Variants in PRKG1 observed in about 807,000 individuals in gnomAD.
The protein encoded by PRKG1 is cGMP-dependent protein kinase 1.
Under a neutral mutation model 88.1 loss-of-function variants are expected in PRKG1, and 35 were observed. The ratio of observed to expected loss-of-function variants is 0.40; its 90% CI spans 0.30 to 0.53. The LOEUF (loss-of-function observed/expected upper bound fraction) is 0.53, where lower values mean the gene tolerates loss of function less well. PRKG1 is among the 20% of genes least tolerant of loss of function. The probability of loss-of-function intolerance (pLI) is 0.59; values close to 1 mark genes in which losing one functional copy is unlikely to be tolerated. For missense variants in PRKG1, 540 were observed against 839.8 expected (o/e 0.64, Z 4.41); for synonymous variants, 303 against 292.5 (o/e 1.04, Z -0.37).
At chr10:51,789,066 C>A (rs925964484) in intron 3 of PRKG1, among the ~76,000 whole-genome samples, 3 of 152,062 alleles carry the variant, frequency 2.0e-5, no homozygotes, top group African/African-American at 4.8e-5. Flanking sequence ...ATTAGCATGA[C>A]TTTTTAAAGA....
At chr10:51,402,281 A>T (rs1021300136) in intron 2 of PRKG1, among the ~76,000 whole-genome samples, 1 of 152,212 alleles carries the variant, frequency 6.6e-6, no homozygotes, top group African/African-American at 2.4e-5. Context: ...CCTTCTTGAT[A>T]TTGGAAGGGA....
At chr10:51,042,817 C>A (rs1376846322) in intron 1 of PRKG1, among the ~76,000 whole-genome samples, 1 of 152,030 alleles carries the variant, frequency 6.6e-6, no homozygotes, top group Admixed American at 6.6e-5. Flanking sequence ...TTGGAGGTGG[C>A]GTCATGAGGA....
Position 52,279,948 on chromosome 10 carries a change from G to A in PRKG1, c.1404-841G>A, listed in dbSNP as rs1041609755. On this transcript the variant is annotated intron_variant, in intron 12 of 17. Coordinates refer to ENST00000373980, the MANE Select transcript of PRKG1 (RefSeq NM_006258.4). ...AAAATAGTTAAAGTTAAGACGTTCT[G>A]CCCTAGAACAAAGGGTTTAACCTTA... Among the ~76,000 whole-genome samples, 23 of 151,820 alleles carry A rather than the reference G, an allele frequency of 1.5e-4. 1 individual carries two copies. The highest frequency in any genetic ancestry group is 5.6e-4 in the African/African-American group (23 of 41,434).
At chr10:51,634,684 T>G (rs4935275) in intron 3 of PRKG1, among the ~76,000 whole-genome samples, 121,501 of 151,952 alleles carry the variant, frequency 0.8, 49,826 homozygotes, top group South Asian at 0.91. Context: ...GTGATTTCCA[T>G]ATGAAGCTAG....
intron 4 of PRKG1, among the ~76,000 whole-genome samples, chr10:51,864,516 T>C (rs1267478293): frequency 6.6e-6 from 1 of 152,244 alleles, no homozygotes; most frequent in Non-Finnish European, 1.5e-5. Flanking sequence ...GTATTTTGTC[T>C]CAAATCCCTT....
intron 3 of PRKG1, among the ~76,000 whole-genome samples, chr10:51,691,279 C>T (rs1442298527): frequency 6.7e-6 from 1 of 149,798 alleles, no homozygotes; most frequent in Non-Finnish European, 1.5e-5. Flanking sequence ...ATGTGCCGAA[C>T]CAGTTGCTAA....
chr10:52,265,542 A>C (rs1227561488), intron 10 of PRKG1, among the ~76,000 whole-genome samples: 3 of 152,116 alleles, frequency 2.0e-5, no homozygotes, highest in African/African-American at 7.2e-5. Context: ...AGTGGTACTG[A>C]GCCAGTTTTA....
chr10:51,838,092 A>G lies in PRKG1; in HGVS notation c.698+33402A>G, dbSNP rs190702452. ...TCCATATCAATACAATTCATTAAAA[A>G]ATAGTAATAGTTTAAAACACTTATC... On this transcript the variant is annotated intron_variant, in intron 4 of 17. Transcript: ENST00000373980. 1.1e-3 allele frequency among the ~76,000 whole-genome samples: 163 copies of G among 152,288 alleles called. 5 individuals are homozygous for G. The East Asian group carries it at 0.025, about 23-fold the overall frequency.
intron 2 of PRKG1, among the ~76,000 whole-genome samples, chr10:51,398,583 G>A (rs293231): frequency 0.018 from 2,816 of 152,282 alleles, 82 homozygotes; most frequent in African/African-American, 0.065. Flanking sequence ...TAACTGGATT[G>A]TTTTTTGTCC....
chr10:51,538,427 A>G (rs796805978), intron 3 of PRKG1, among the ~76,000 whole-genome samples: 16 of 148,614 alleles, frequency 1.1e-4, no homozygotes, highest in South Asian at 6.2e-4. Context: ...TATATGATAT[A>G]TGATATATAA....
chr10:51,355,657 C>A (rs1356458874), intron 2 of PRKG1, among the ~76,000 whole-genome samples: 1 of 151,798 alleles, frequency 6.6e-6, no homozygotes, highest in East Asian at 1.9e-4. Context: ...AGGATGCCCA[C>A]CCAGATTTTT....
chr10:51,806,059 G>A (rs1839298693), intron 4 of PRKG1, among the ~76,000 whole-genome samples: 1 of 152,110 alleles, frequency 6.6e-6, no homozygotes. Context: ...CGTATGTTGT[G>A]TGTATGTGTG....
At chr10:51,469,762 C>T (rs549941794) in intron 3 of PRKG1, among the ~76,000 whole-genome samples, 14 of 151,794 alleles carry the variant, frequency 9.2e-5, no homozygotes, top group African/African-American at 2.7e-4. Context: ...AGAATGCATC[C>T]GTGCATGTGT....
At chr10:51,703,511 T>C (rs572050281) in intron 3 of PRKG1, among the ~76,000 whole-genome samples, 96 of 152,318 alleles carry the variant, frequency 6.3e-4, no homozygotes, top group Non-Finnish European at 1.1e-3. Context: ...TCCTTTACCT[T>C]TCAGCAAAAT....
chr10:52,287,219 T>C (rs1842136041), intron 14 of PRKG1, among the ~76,000 whole-genome samples: 1 of 151,976 alleles, frequency 6.6e-6, no homozygotes. Flanking sequence ...AAAAAGAATA[T>C]TCAATCATAG....
At chr10:51,548,592 G>A (rs184856272) in intron 3 of PRKG1, among the ~76,000 whole-genome samples, 62 of 152,122 alleles carry the variant, frequency 4.1e-4, no homozygotes, top group African/African-American at 1.4e-3. Flanking sequence ...CAGTGTTTTC[G>A]TAACACTCTA....
chr10:51,958,147 A>C (rs139013882), intron 5 of PRKG1, among the ~76,000 whole-genome samples: 2 of 152,188 alleles, frequency 1.3e-5, no homozygotes, highest in African/African-American at 2.4e-5. Context: ...GAAAATGTAC[A>C]CTTATTGTGA....
chr10:50,998,237 C>T (rs551910396), intron 1 of PRKG1, among the ~76,000 whole-genome samples: 2 of 152,236 alleles, frequency 1.3e-5, no homozygotes, highest in South Asian at 2.1e-4. Context: ...GTCCCTCTTT[C>T]GGGTCCTTGT....
intron 3 of PRKG1, among the ~76,000 whole-genome samples, chr10:51,794,772 TA>T (rs965610526): frequency 1.2e-3 from 184 of 150,416 alleles, no homozygotes; most frequent in African/African-American, 2.3e-3. Context: ...ATTTAAAAAA[TA>T]AAAAAAAATA....
Sources: gnomAD v4.1 joint callset for allele counts (sites outside exome capture counted in the v4.1 genomes callset) on GRCh38, gnomAD v4.1.1 for gene constraint, MANE v1.5 for transcripts, NCBI Gene and HGNC (gene_info 2026-07-23, HGNC 2026-07-21) for gene names.